Variants in B3GALT1 observed in about 807,000 individuals in gnomAD.
B3GALT1 encodes beta-1,3-galactosyltransferase 1.
A neutral mutation model predicts 23.2 loss-of-function variants in B3GALT1; 10 were observed. That is an observed-to-expected ratio of 0.43 (90% CI 0.27 to 0.73). The LOEUF is 0.73. B3GALT1 is among the 30% of genes least tolerant of loss of function. The pLI is 0.21. For missense variants in B3GALT1, 299 were observed against 405.4 expected, an observed-to-expected ratio of 0.74 and a Z score of 2.25; for synonymous variants, 156 against 141.5, an observed-to-expected ratio of 1.10 and a Z score of -0.73.
At chr2:167,561,541 A>C (rs1683988785) in intron 2 of B3GALT1, among the ~76,000 whole-genome samples, 1 of 152,116 alleles carries the variant, frequency 6.6e-6, no homozygotes, top group Admixed American at 6.5e-5. Context: ...AGGATCAACA[A>C]AATTGATAGA....
intron 3 of B3GALT1, among the ~76,000 whole-genome samples, chr2:167,681,381 T>C (rs924794018): frequency 4.6e-5 from 7 of 152,166 alleles, no homozygotes; most frequent in South Asian, 2.1e-4. Context: ...GTGAATCTTA[T>C]AGGTCATTTC....
chr2:167,326,142 T>A (rs1279331953), intron 1 of B3GALT1, among the ~76,000 whole-genome samples: 2 of 151,946 alleles, frequency 1.3e-5, no homozygotes, highest in Admixed American at 1.3e-4. Flanking sequence ...TATGATGATA[T>A]CTCATTGTGG....
chr2:167,472,659 C>T (rs1159244296), intron 1 of B3GALT1, among the ~76,000 whole-genome samples: 2 of 152,158 alleles, frequency 1.3e-5, no homozygotes, highest in African/African-American at 4.8e-5. Context: ...TATCCTTTCT[C>T]TTCTCTGAAT....
intron 2 of B3GALT1, among the ~76,000 whole-genome samples, chr2:167,543,634 A>T (rs776523982): frequency 1.3e-5 from 2 of 152,246 alleles, no homozygotes; most frequent in African/African-American, 4.8e-5. Context: ...ATAGAATAGT[A>T]TGTAGAATAT....
chr2:167,721,066 C>T (rs560844186), intron 3 of B3GALT1, among the ~76,000 whole-genome samples: 6 of 152,264 alleles, frequency 3.9e-5, no homozygotes, highest in African/African-American at 1.4e-4. Context: ...ATATCTCCAT[C>T]TTTCTCTCTC....
intron 1 of B3GALT1, among the ~76,000 whole-genome samples, chr2:167,434,042 TAAATA>T (rs1325179582): frequency 6.6e-6 from 1 of 151,978 alleles, no homozygotes; most frequent in African/African-American, 2.4e-5. Context: ...CTATCATAAA[TAAATA>T]AAACAACCAT....
chr2:167,458,505 C>T (rs894985486), intron 1 of B3GALT1, among the ~76,000 whole-genome samples: 1 of 152,134 alleles, frequency 6.6e-6, no homozygotes, highest in African/African-American at 2.4e-5. Context: ...TATAGTAATT[C>T]TATTTTTAAT....
rs1364239310 is a variant in B3GALT1 at position 167,547,522 on chromosome 2, CCT to C, written c.-410+57250_-410+57251del. Among the ~76,000 whole-genome samples the C allele has an allele frequency of 3.3e-5, 5 of 151,954 alleles. No individual in the cohort carries two copies. The South Asian group carries it at 1.0e-3, about 32-fold the overall frequency. ...CCAGCCTGGCCAACATGGCAAAACC[CCT>C]CTCTACTAAAAATACAAAAATTAGC... On this transcript the variant is annotated intron_variant, in intron 2 of 4. Coordinates refer to ENST00000392690, the MANE Select transcript of B3GALT1 (RefSeq NM_020981.4).
At chr2:167,573,945 T>C (rs1684340620) in intron 2 of B3GALT1, among the ~76,000 whole-genome samples, 1 of 151,652 alleles carries the variant, frequency 6.6e-6, no homozygotes, top group Non-Finnish European at 1.5e-5. Context: ...ATTTGCCATA[T>C]GAATTTATGA....
chr2:167,825,283 C>CAA (rs71963760), intron 4 of B3GALT1, among the ~76,000 whole-genome samples: 19,137 of 81,860 alleles, frequency 0.23, 1,883 homozygotes, highest in Middle Eastern at 0.4. Flanking sequence ...GACTCCGTCT[C>CAA]AAAAAAAAAA....
rs184382012 is a variant in B3GALT1 at position 167,303,584 on chromosome 2, A to T, written c.-511+10250A>T. Among the ~76,000 whole-genome samples, 6 of 151,924 alleles carry T rather than the reference A, an allele frequency of 3.9e-5. No individual in the cohort carries two copies. The East Asian group carries it at 1.2e-3, about 30-fold the overall frequency. On this transcript the variant is annotated intron_variant, in intron 1 of 4. Coordinates refer to ENST00000392690, the MANE Select transcript of B3GALT1 (RefSeq NM_020981.4). ...GAAGCAGAAAGGTAGAGGAAGGGCAAATAGCTCTTTCTGCTTGAGTTGAGA... is the reference window on the plus strand; with the variant it reads ...GAAGCAGAAAGGTAGAGGAAGGGCATATAGCTCTTTCTGCTTGAGTTGAGA...
chr2:167,715,320 A>G (rs1558957499), intron 3 of B3GALT1: 6 of 1,613,794 alleles, frequency 3.7e-6, no homozygotes, highest in Non-Finnish European at 5.1e-6. Context: ...TATACTTTGG[A>G]GTCTTCAAAT....
At chr2:167,477,805 C>G (rs547803352) in intron 1 of B3GALT1, among the ~76,000 whole-genome samples, 1 of 152,300 alleles carries the variant, frequency 6.6e-6, no homozygotes, top group African/African-American at 2.4e-5. Context: ...CAGACACATT[C>G]CATTGAATCA....
At chr2:167,773,442 A>G (rs10186093) in intron 3 of B3GALT1, among the ~76,000 whole-genome samples, 20,609 of 152,196 alleles carry the variant, frequency 0.14, 1,598 homozygotes, top group East Asian at 0.34. Context: ...CACTTTTACA[A>G]AAGAGCTGCA....
At chr2:167,671,250 A>G (rs1414734314) in intron 3 of B3GALT1, among the ~76,000 whole-genome samples, 12 of 152,154 alleles carry the variant, frequency 7.9e-5, no homozygotes, top group Non-Finnish European at 5.9e-5. Context: ...AAATGTATAG[A>G]TCATCCAGAA....
At chr2:167,694,834 A>G (rs1686768750) in intron 3 of B3GALT1, among the ~76,000 whole-genome samples, 1 of 152,164 alleles carries the variant, frequency 6.6e-6, no homozygotes, top group Non-Finnish European at 1.5e-5. Flanking sequence ...AAGCACTTTC[A>G]TCTACTCCTT....
intron 1 of B3GALT1, among the ~76,000 whole-genome samples, chr2:167,368,746 T>C (rs1230566277): frequency 6.6e-6 from 1 of 152,232 alleles, no homozygotes; most frequent in Non-Finnish European, 1.5e-5. Flanking sequence ...CTTGTGTATG[T>C]TCAAATGTTA....
intron 2 of B3GALT1, among the ~76,000 whole-genome samples, chr2:167,563,871 T>TCA (rs1684081993): frequency 8.7e-6 from 1 of 114,440 alleles, no homozygotes; most frequent in African/African-American, 3.4e-5. Flanking sequence ...GAGGCGCCCC[T>TCA]CATCTGCCGG....
At chr2:167,299,886 CTT>C (rs1421764171) in intron 1 of B3GALT1, among the ~76,000 whole-genome samples, 2 of 150,030 alleles carry the variant, frequency 1.3e-5, no homozygotes, top group African/African-American at 4.9e-5. Context: ...CTTTTTTTAA[CTT>C]TATATATTTT....
Sources: allele counts gnomAD v4.1 joint callset (sites outside exome capture counted in the v4.1 genomes callset), GRCh38; gene constraint gnomAD v4.1.1; transcripts MANE v1.5; gene names NCBI Gene and HGNC (gene_info 2026-07-23, HGNC 2026-07-21).